The following TNC variants were observed in gnomAD, a reference collection of about 807,000 sequenced individuals.
TNC encodes tenascin.
TNC carries 109 observed loss-of-function variants against 202.4 expected under a neutral mutation model. The observed-to-expected ratio is 0.54, with a 90% confidence interval of 0.46 to 0.63. TNC has a LOEUF of 0.63. TNC is among the 30% of genes least tolerant of loss of function. The probability of loss-of-function intolerance (pLI) is 0.00; values close to 1 mark genes in which losing one functional copy is unlikely to be tolerated. For synonymous variants in TNC, 1,007 were observed against 1,089.7 expected (o/e 0.92, Z 1.50); for missense variants, 2,756 against 2,833.3 (o/e 0.97, Z 0.62).
chr9:115,068,759 A>T (rs115743687), intron 10 of TNC, among the ~76,000 whole-genome samples: 261 of 152,254 alleles, frequency 1.7e-3, no homozygotes, highest in African/African-American at 6.1e-3. Context: ...AGCTTTTCAG[A>T]TGCTATTCCC....
chr9:115,042,212 C>T lies in TNC; in HGVS notation c.5248+7G>A, dbSNP rs768656249. On this transcript the variant is annotated splice_region_variant and intron_variant, in intron 18 of 27. Coordinates refer to ENST00000350763, the MANE Select transcript of TNC (RefSeq NM_002160.4). ...CCTCCTCTCTCTCCCCTTTCCGAGT[C>T]TCCTACCTCCTGTAATGGGCACATA... 9.3e-6 allele frequency: 15 copies of T among 1,613,584 alleles called. No individual in the cohort carries two copies. Among genetic ancestry groups the T allele is most frequent in the Middle Eastern group, 1.7e-4 (1 of 6,056 alleles).
rs376090045 is a variant in TNC at position 115,076,089 on chromosome 9, C to T, written c.2893G>A (p.Val965Ile). ...TCCTTGTCTTCCTTCACAGCAGAAA[C>T]TCCAATCCCATATTCAGTTCCCGGC... The part of the protein sequence containing the change: ...LRPGTEYGIG[V>I]SAVKEDKESN... Residue 965 changes from valine to isoleucine, a missense_variant, in exon 9 of 28, where the codon GTT (valine) becomes ATT (isoleucine). Physicochemically the swap from Val to Ile is conservative, Grantham distance 29. Coordinates refer to ENST00000350763, the MANE Select transcript of TNC (RefSeq NM_002160.4). 3 of 1,614,062 alleles carry T rather than the reference C, an allele frequency of 1.9e-6. No individual in the cohort carries two copies. In the African/African-American group the frequency reaches 4.0e-5, roughly 22 times the overall value.
chr9:115,030,888 AG>A lies in TNC; in HGVS notation c.5921-484del, dbSNP rs143203478. ...AACAACTTGCAGGTTTGCTATCTGCAGAAGATACTTTGTGACAGGTGCAGGG... is the reference window on the plus strand; with the variant it reads ...AACAACTTGCAGGTTTGCTATCTGCAAAGATACTTTGTGACAGGTGCAGGG... On this transcript the variant is annotated intron_variant, in intron 23 of 27. Transcript: ENST00000350763. Among the ~76,000 whole-genome samples the A allele has an allele frequency of 1.7e-3, 259 of 152,354 alleles. 1 individual carries two copies. The highest frequency in any genetic ancestry group is 1.6e-3 in the Non-Finnish European group (110 of 68,040).
In TNC at chr9:115,064,852, C is replaced by G; in HGVS notation, c.3282G>C (p.Trp1094Cys). 6.2e-7 allele frequency: 1 copy of G among 1,614,174 alleles called. No homozygotes were observed. The highest frequency in any genetic ancestry group is 8.5e-7 in the Non-Finnish European group (1 of 1,180,030). ...GCTCATAGGCCTGGTCAGCTGCGGT[C>G]CAGTTGAGTCTGAGGCCATCCCAGC... ...EVGWDGLRLN[W>C]TAADQAYEHF... The change falls in exon 11 of 28, where the codon TGG becomes TGC. Residue 1094 changes from tryptophan (W) to cysteine (C), a missense_variant. Around this residue, in one of 2 missense-constraint regions of TNC, gnomAD observed 2,559 missense variants for 2,546.0 expected, o/e 1.01. Transcript: ENST00000350763.
At chr9:115,035,048 A>G (rs1382098356) in intron 22 of TNC, among the ~76,000 whole-genome samples, 156 bp downstream of exon 22, 1 of 150,842 alleles carries the variant, frequency 6.6e-6, no homozygotes, top group African/African-American at 2.5e-5. Context: ...AGTATGATTC[A>G]GAAGGTCTGG....
At chr9:115,062,042 G>C (rs1291267503) in intron 13 of TNC, among the ~76,000 whole-genome samples, 6 of 152,136 alleles carry the variant, frequency 3.9e-5, no homozygotes, top group Admixed American at 1.3e-4. Context: ...GGTGTTAGTT[G>C]GTGGCTCTGA....
intron 7 of TNC, 72 bp downstream of exon 7, chr9:115,077,871 C>A: frequency 2.6e-6 from 4 of 1,510,862 alleles, no homozygotes; most frequent in South Asian, 1.3e-5. Flanking sequence ...GGAAGATACC[C>A]CAACATGGAG....
At chr9:115,051,858 A>T (rs1831699299) in intron 15 of TNC, among the ~76,000 whole-genome samples, 2 of 151,946 alleles carry the variant, frequency 1.3e-5, no homozygotes, top group African/African-American at 4.8e-5. Flanking sequence ...ACAACTCTTG[A>T]GAACGTTCTC....
rs796604731 is a variant in TNC, at chr9:115,086,452, C to T, written c.1279G>A (p.Glu427Lys). ...CTGCAGTCCTCCCCAGTATAGCCCT[C>T]ATCACACACACACTGCCCATTGACA... ...RCVNGQCVCDEGYTGEDCSQL... is the reference protein window; with the variant it reads ...RCVNGQCVCDKGYTGEDCSQL... Residue 427 changes from glutamate (E) to lysine (K), a missense_variant, in exon 3 of 28, where the codon GAG (glutamate) becomes AAG (lysine). Coordinates refer to ENST00000350763, the MANE Select transcript of TNC (RefSeq NM_002160.4). The T allele has an allele frequency of 3.1e-6, 5 of 1,613,848 alleles. No homozygotes were observed. In the African/African-American group the frequency reaches 6.7e-5, roughly 22 times the overall value.
At chr9:115,047,924 T>C (rs1831329813) in intron 16 of TNC, among the ~76,000 whole-genome samples, 1 of 152,204 alleles carries the variant, frequency 6.6e-6, no homozygotes, top group South Asian at 2.1e-4. Flanking sequence ...ATATTTCTTT[T>C]GAGAAGGCTG....
rs753007888 is a variant in TNC at position 115,063,864 on chromosome 9, T to C, written c.3692A>G (p.Tyr1231Cys). The change falls in exon 12 of 28, where the codon TAT becomes TGT. Residue 1231 changes from tyrosine (Y) to cysteine (C), a missense_variant. Physicochemically the swap from Tyr to Cys is radical, Grantham distance 194 (BLOSUM62 -2). Around this residue, in one of 2 missense-constraint regions of TNC, gnomAD observed 2,559 missense variants for 2,546.0 expected, o/e 1.01. Transcript: ENST00000350763. Reference sequence around the variant, plus strand: ...AGTGACCCCGCGGATGGTGATGGTATAATGAGTGGCTGCTTTGAGCCCAGG... The same window carrying C: ...AGTGACCCCGCGGATGGTGATGGTACAATGAGTGGCTGCTTTGAGCCCAGG... ...DLPGLKAATHYTITIRGVTQD... is the reference protein window; with the variant it reads ...DLPGLKAATHCTITIRGVTQD... The C allele has an allele frequency of 9.9e-6, 16 of 1,614,060 alleles. No homozygotes were observed. Among genetic ancestry groups the C allele is most frequent in the African/African-American group, 2.7e-5 (2 of 74,918 alleles).
intron 26 of TNC, 59 bp from the exon 27 acceptor site, chr9:115,024,195 A>G: frequency 6.4e-7 from 1 of 1,562,822 alleles, no homozygotes; most frequent in Non-Finnish European, 8.8e-7. Context: ...CCTCCTGGAC[A>G]GTAAAGGGCA....
chr9:115,113,165 A>C (rs1158433131), intron 1 of TNC, among the ~76,000 whole-genome samples: 2 of 125,696 alleles, frequency 1.6e-5, no homozygotes, highest in African/African-American at 5.7e-5. Context: ...CAAAAAGACA[A>C]GCTTTTGTGT....
rs543812226 is a variant in TNC, at chr9:115,063,311, A to G, written c.3761-122T>C. On this transcript the variant is annotated intron_variant, in intron 12 of 27. Transcript: ENST00000350763. ...TCTGGTTAGTGTTGATTATAGATGCATGATTTACAGCAGGTGTTGAGCACA... is the reference window on the plus strand; with the variant it reads ...TCTGGTTAGTGTTGATTATAGATGCGTGATTTACAGCAGGTGTTGAGCACA... 5.2e-5 allele frequency: 53 copies of G among 1,025,790 alleles called. No homozygotes were observed. In the African/African-American group the frequency reaches 7.3e-4, roughly 14 times the overall value. 63.5% of individuals were successfully genotyped at this position (1,025,790 alleles called of 1,614,324 possible).
At chr9:115,034,095 T>C (rs1830140320) in intron 22 of TNC, among the ~76,000 whole-genome samples, 1 of 152,236 alleles carries the variant, frequency 6.6e-6, no homozygotes, top group African/African-American at 2.4e-5. Context: ...TGACTGCCCT[T>C]TCCCATTCAG....
chr9:115,090,715 G>T lies in TNC; in HGVS notation c.304C>A (p.His102Asn). Residue 102 changes from histidine to asparagine, a missense_variant, in exon 2 of 28, where the codon CAT (histidine) becomes AAT (asparagine). This residue lies in a region of TNC where 2,559 missense variants were observed against 2,546.0 expected (regional missense o/e 1.01). Transcript: ENST00000350763. ...GCCCGGCGGGGGATGTTGATGCGAT[G>T]TGTGAAGACAATCTGGTTTTCCCCA... is the stretch of plus-strand genomic sequence containing the variant. ...VDGENQIVFTHRINIPRRACG... is the reference protein window; with the variant it reads ...VDGENQIVFTNRINIPRRACG... 1 of 1,614,224 alleles carries T rather than the reference G, an allele frequency of 6.2e-7. No individual in the cohort carries two copies. Among genetic ancestry groups the T allele is most frequent in the Non-Finnish European group, 8.5e-7 (1 of 1,180,034 alleles).
In TNC at chr9:115,073,777, G is replaced by A. The variant is rs373842890; in HGVS notation, c.3040C>T (p.Arg1014Cys). The part of the protein sequence containing the change: ...LWKTPLAKFD[R>C]YRLNYSLPTG... ...GGGAGACTGTAATTGAGGCGGTAGC[G>A]GTCAAATTTGGCCAACGGTGTCTTC... is the stretch of plus-strand genomic sequence containing the variant. Residue 1014 changes from arginine to cysteine, a missense_variant, in exon 10 of 28, where the codon CGC (arginine) becomes TGC (cysteine). By Grantham distance (180) the Arg-to-Cys change is radical (BLOSUM62 -3). This residue lies in a region of TNC where 2,559 missense variants were observed against 2,546.0 expected (regional missense o/e 1.01). Coordinates refer to ENST00000350763, the MANE Select transcript of TNC (RefSeq NM_002160.4). 60 of 1,614,004 alleles carry A rather than the reference G, an allele frequency of 3.7e-5. No homozygotes were observed. Among genetic ancestry groups the A allele is most frequent in the African/African-American group, 9.3e-5 (7 of 74,918 alleles).
chr9:115,075,927 C>A, intron 9 of TNC, 105 bp downstream of exon 9: 1 of 997,024 alleles, frequency 1.0e-6, no homozygotes, highest in African/African-American at 1.6e-5. Context: ...GCCCTTTTTC[C>A]TCCAGGCTTC....
At chr9:115,077,619 CATATATG>C (rs1219012211) in intron 7 of TNC, among the ~76,000 whole-genome samples, 1 of 152,210 alleles carries the variant, frequency 6.6e-6, no homozygotes, top group African/African-American at 2.4e-5. Context: ...GCTCATTTGT[CATATATG>C]TTTTCCATAT....
Sources: allele counts gnomAD v4.1 joint callset (sites outside exome capture counted in the v4.1 genomes callset), GRCh38; gene constraint gnomAD v4.1.1; regional missense constraint gnomAD v4.1.1; transcripts MANE v1.5; gene names NCBI Gene and HGNC (gene_info 2026-07-23, HGNC 2026-07-21).